Variants in TRIM7 observed in about 807,000 individuals in gnomAD.
TRIM7 encodes the protein tripartite motif containing 7.
A neutral mutation model predicts 37.9 loss-of-function variants in TRIM7; 32 were observed. The ratio of observed to expected loss-of-function variants is 0.84; its 90% CI spans 0.64 to 1.13. TRIM7 has a LOEUF of 1.13. Among genes scored for constraint, TRIM7 ranks in the 50% most tolerant of loss-of-function variants. The pLI, the probability that TRIM7 is intolerant of heterozygous loss-of-function variation, is 0.00. For synonymous variants in TRIM7, 351 were observed against 321.3 expected (o/e 1.09, Z -0.99); for missense variants, 732 against 714.0 (o/e 1.03, Z -0.29).
chr5:181,200,199 A>T, intron 2 of TRIM7, 118 bp from the exon 3 acceptor site: 1 of 1,588,864 alleles, frequency 6.3e-7, no homozygotes, highest in Non-Finnish European at 8.6e-7. Flanking sequence ...AGGATCGGAG[A>T]CACACCCACC....
intron 3 of TRIM7, 146 bp downstream of exon 3, chr5:181,199,705 A>G: frequency 7.4e-7 from 1 of 1,359,328 alleles, no homozygotes; most frequent in Non-Finnish European, 9.7e-7. Context: ...CTCCAACCCC[A>G]GGAAAATCAG....
exon 1 of TRIM7, chr5:181,205,183 GCCGAGGGCCCACTGGGA>G: frequency 8.0e-7 from 1 of 1,254,802 alleles, no homozygotes; most frequent in Non-Finnish European, 1.0e-6. Flanking sequence ...GGAGCTGGGC[GCCGAGGGCCCACTGGGA>G]GAGGAAGGGC....
Position 181,203,647 on chromosome 5 carries a change from A to T in TRIM7, c.523-7T>A, listed in dbSNP as rs774316898. 6.2e-7 allele frequency: 1 copy of T among 1,605,994 alleles called. No individual in the cohort carries two copies. The highest frequency in any genetic ancestry group is 1.1e-5 in the South Asian group (1 of 89,944). On this transcript the variant is annotated splice_polypyrimidine_tract_variant and splice_region_variant and intron_variant, in intron 1 of 6. Coordinates refer to ENST00000274773, the MANE Select transcript of TRIM7 (RefSeq NM_203293.3). ...GCCTGGACTCCAAGAGCTCCTGTAG[A>T]TGAAGGGAAACAATGTAAGGTGGGG...
chr5:181,195,026 G>T lies in TRIM7; in HGVS notation c.*140C>A. 1 of 1,075,574 alleles carries T rather than the reference G, an allele frequency of 9.3e-7. No homozygotes were observed. Among genetic ancestry groups the T allele is most frequent in the Non-Finnish European group, 1.3e-6 (1 of 755,186 alleles). 66.6% of individuals were successfully genotyped at this position (1,075,574 alleles called of 1,614,324 possible). ...GGCCACAGTCACTCTCCTGCCTCGG[G>T]GTTGTGTCTGTAGCAGGCTCTCTTG... On this transcript the variant is annotated 3_prime_UTR_variant, in exon 7 of 7. Transcript: ENST00000274773.
intron 2 of TRIM7, chr5:181,200,773 A>G (rs948359831): frequency 1.8e-5 from 18 of 985,936 alleles, no homozygotes; most frequent in Non-Finnish European, 2.2e-5. Flanking sequence ...TTGATTTTTT[A>G]TGTGAACACA....
intron 6 of TRIM7, 173 bp downstream of exon 6, chr5:181,198,010 A>T (rs1352772743): frequency 1.7e-5 from 11 of 655,416 alleles, no homozygotes. Context: ...AGGGTGTCAG[A>T]GCTCCCAGGA....
chr5:181,198,258 C>G, intron 5 of TRIM7, 40 bp from the exon 6 acceptor site: 1 of 1,609,216 alleles, frequency 6.2e-7, no homozygotes, highest in Non-Finnish European at 8.5e-7. Flanking sequence ...ATGAGCGACA[C>G]GGGAGATTAT....
In TRIM7 at chr5:181,204,830, C is replaced by G; in HGVS notation, c.281G>C (p.Arg94Pro). 1 of 1,373,082 alleles carries G rather than the reference C, an allele frequency of 7.3e-7. No homozygotes were observed. Among genetic ancestry groups the G allele is most frequent in the Non-Finnish European group, 9.3e-7 (1 of 1,071,610 alleles). 85.1% of individuals were successfully genotyped at this position (1,373,082 alleles called of 1,614,324 possible). A position where few individuals can be genotyped will look rare whatever the true frequency, so the allele number is the denominator to read the frequency against. ...PARPSQLRPN[R>P]QLAAVATLLR... Reference sequence around the variant, plus strand: ...GAGCGTGGCCACTGCCGCCAGCTGCCGGTTGGGCCGCAGCTGACTGGGGCG... The same window carrying G: ...GAGCGTGGCCACTGCCGCCAGCTGCGGGTTGGGCCGCAGCTGACTGGGGCG... The change falls in exon 1 of 7, where the codon CGG (arginine) becomes CCG (proline). Residue 94 changes from arginine to proline, a missense_variant. Arg to Pro is a moderately radical substitution (Grantham distance 103, BLOSUM62 -2). Coordinates refer to ENST00000274773, the MANE Select transcript of TRIM7 (RefSeq NM_203293.3).
At chr5:181,200,718 G>T in intron 2 of TRIM7, 1 of 988,336 alleles carries the variant, frequency 1.0e-6, no homozygotes, top group South Asian at 4.7e-5. Flanking sequence ...GCATACACCG[G>T]ATTTTTTACT....
intron 2 of TRIM7, chr5:181,203,052 C>T (rs1757604706): frequency 5.9e-6 from 1 of 168,668 alleles, no homozygotes; most frequent in Non-Finnish European, 1.2e-5. Flanking sequence ...CAGGGAGCAG[C>T]TCTGACGCCC....
rs1367919265 is a variant in TRIM7 at position 181,205,123 on chromosome 5, C to G, written c.-13G>C. The G allele has an allele frequency of 1.1e-5, 15 of 1,306,808 alleles. No individual in the cohort carries two copies. The highest frequency in any genetic ancestry group is 3.9e-6 in the Non-Finnish European group (4 of 1,028,602). 81.0% of individuals were successfully genotyped at this position (1,306,808 alleles called of 1,614,324 possible). Reference sequence around the variant, plus strand: ...CCACAGCCGCCATGCGCGCTCTCCGCGCACCCAGATCTGGTCGCGCCTGGG... The same window carrying G: ...CCACAGCCGCCATGCGCGCTCTCCGGGCACCCAGATCTGGTCGCGCCTGGG... On this transcript the variant is annotated 5_prime_UTR_variant, in exon 1 of 7. Coordinates refer to ENST00000274773, the MANE Select transcript of TRIM7 (RefSeq NM_203293.3).
At chr5:181,200,962 C>G (rs759662623) in intron 2 of TRIM7, 85 of 981,950 alleles carry the variant, frequency 8.7e-5, no homozygotes, top group Non-Finnish European at 9.8e-5. Context: ...TATTAACTCC[C>G]TCAACCCTGA....
At chr5:181,200,988 G>A in intron 2 of TRIM7, 1 of 890,156 alleles carries the variant, frequency 1.1e-6, no homozygotes, top group Non-Finnish European at 1.3e-6. Flanking sequence ...GCCCAGTGGG[G>A]AGGGTGCACT....
At position 181,204,955 on chromosome 5, in the gene TRIM7, G is replaced by A. The variant is rs1417871021; in HGVS notation, c.156C>T (p.Cys52=). ...CCGGGCGCTCCCAGCAGCGCCCTAT[G>A]CAGGCGCGGCAGAAGCTGTGGCCGC... is the stretch of plus-strand genomic sequence containing the variant. ...VECGHSFCRA[C]IGRCWERPGA... Residue 52 remains cysteine, a synonymous_variant, in exon 1 of 7, where the codon TGC becomes TGT. Coordinates refer to ENST00000274773, the MANE Select transcript of TRIM7 (RefSeq NM_203293.3). 1.4e-6 allele frequency: 2 copies of A among 1,468,448 alleles called. No individual in the cohort carries two copies. Among genetic ancestry groups the A allele is most frequent in the African/African-American group, 1.5e-5 (1 of 67,990 alleles). 91.0% of individuals were successfully genotyped at this position (1,468,448 alleles called of 1,614,324 possible). A position where few individuals can be genotyped will look rare whatever the true frequency, so the allele number is the denominator to read the frequency against.
intron 6 of TRIM7, chr5:181,197,164 A>G (rs1757179653): frequency 6.6e-6 from 1 of 150,640 alleles, no homozygotes; most frequent in Non-Finnish European, 1.5e-5. Context: ...AAAAAAAAAA[A>G]GTTAAAATAT....
In TRIM7 at chr5:181,204,633, C is replaced by G. The variant is rs1449982950; in HGVS notation, c.478G>C (p.Glu160Gln). Residue 160 changes from glutamate to glutamine, a missense_variant, in exon 1 of 7, where the codon GAG becomes CAG. Coordinates refer to ENST00000274773, the MANE Select transcript of TRIM7 (RefSeq NM_203293.3). ...VVCDRAREHR[E>Q]HAVLPLDEAV... ...TCGTCCAGCGGCAGCACGGCGTGCT[C>G]GCGGTGCTCGCGGGCGCGGTCGCAC... is the stretch of plus-strand genomic sequence containing the variant. 3.4e-6 allele frequency: 5 copies of G among 1,480,288 alleles called. No individual in the cohort carries two copies. In the South Asian group the frequency reaches 6.6e-5, roughly 20 times the overall value. 91.7% of individuals were successfully genotyped at this position (1,480,288 alleles called of 1,614,324 possible). A position where few individuals can be genotyped will look rare whatever the true frequency, so the allele number is the denominator to read the frequency against.
At chr5:181,202,718 C>T (rs1292419108) in intron 2 of TRIM7, 1 of 151,968 alleles carries the variant, frequency 6.6e-6, no homozygotes, top group African/African-American at 2.4e-5. Context: ...AGGCGCCCGC[C>T]ACCACGCCCG....
chr5:181,195,171 G>A lies in TRIM7; in HGVS notation c.1531C>T (p.Pro511Ser). 2 of 1,596,720 alleles carry A rather than the reference G, an allele frequency of 1.3e-6. No individual in the cohort carries two copies. Among genetic ancestry groups the A allele is most frequent in the Non-Finnish European group, 8.5e-7 (1 of 1,169,836 alleles). The change falls in exon 7 of 7, where the codon CCT becomes TCT. Residue 511 changes from proline (P) to serine (S), a missense_variant. Coordinates refer to ENST00000274773, the MANE Select transcript of TRIM7 (RefSeq NM_203293.3). ...CSTGTYLRIW[P>S] ...GAGCTCCCCAGCAGTGCCCCTCAAGGCCAGATTCGCAAGTAGGTGCCCGTG... is the reference window on the plus strand; with the variant it reads ...GAGCTCCCCAGCAGTGCCCCTCAAGACCAGATTCGCAAGTAGGTGCCCGTG...
chr5:181,200,012 G>T lies in TRIM7; in HGVS notation c.688C>A (p.Gln230Lys), dbSNP rs770269863. Residue 230 changes from glutamine to lysine, a missense_variant, in exon 3 of 7, where the codon CAG (glutamine) becomes AAG (lysine). Coordinates refer to ENST00000274773, the MANE Select transcript of TRIM7 (RefSeq NM_203293.3). The stretch of plus-strand genomic sequence containing the variant: ...AGGCGGCCTAGCAGCCGACCCTCCT[G>T]CTCCACCAGGAAAGCCCTCAGTGCC... ...FQALRAFLVE[Q>K]EGRLLGRLEE... The T allele has an allele frequency of 3.1e-6, 5 of 1,614,216 alleles. No individual in the cohort carries two copies. In the South Asian group the frequency reaches 5.5e-5, roughly 18 times the overall value.
Sources: allele counts gnomAD v4.1 joint callset, GRCh38; gene constraint gnomAD v4.1.1; transcripts MANE v1.5; gene names NCBI Gene and HGNC (gene_info 2026-07-23, HGNC 2026-07-21).